The following NDFIP1 variants were observed in gnomAD, a reference collection of about 807,000 sequenced individuals.
NDFIP1 encodes Nedd4 family interacting protein 1.
A neutral mutation model predicts 28.8 loss-of-function variants in NDFIP1; 7 were observed. That is an observed-to-expected ratio of 0.24 (90% confidence interval 0.14 to 0.46). The LOEUF (loss-of-function observed/expected upper bound fraction) is 0.46. NDFIP1 is among the 20% of genes least tolerant of loss of function. The pLI is 0.99. For missense variants in NDFIP1, 194 were observed against 269.1 expected (o/e 0.72, Z 1.95); for synonymous variants, 92 against 101.0 (o/e 0.91, Z 0.53).
At chr5:142,124,589 G>C (rs1328524627) in intron 1 of NDFIP1, among the ~76,000 whole-genome samples, 1 of 152,166 alleles carries the variant, frequency 6.6e-6, no homozygotes, top group Non-Finnish European at 1.5e-5. Flanking sequence ...TTTGTGAGGG[G>C]ATTTACTGCA....
At position 142,137,180 on chromosome 5, in the gene NDFIP1, G is replaced by A. The variant is rs577066095; in HGVS notation, c.371-554G>A. On this transcript the variant is annotated intron_variant, in intron 4 of 7. Coordinates refer to ENST00000253814, the MANE Select transcript of NDFIP1 (RefSeq NM_030571.4). Reference sequence around the variant, plus strand: ...TTTTTGCTTTTTCCTTTTGAGACAAGGTCTTGCTCTGTTGCCCAGGCTGAA... The same window carrying A: ...TTTTTGCTTTTTCCTTTTGAGACAAAGTCTTGCTCTGTTGCCCAGGCTGAA... 6.6e-5 allele frequency among the ~76,000 whole-genome samples: 10 copies of A among 152,034 alleles called. No individual in the cohort carries two copies. In the East Asian group the frequency reaches 1.9e-3, roughly 29 times the overall value.
At chr5:142,141,168 CTTTTTTTTTT>C (rs1161113130) in intron 6 of NDFIP1, among the ~76,000 whole-genome samples, 2 of 59,940 alleles carry the variant, frequency 3.3e-5, no homozygotes, top group Admixed American at 2.5e-4. Flanking sequence ...GGCAAGAGGA[CTTTTTTTTTT>C]TTTTTTTTTT....
intron 5 of NDFIP1, among the ~76,000 whole-genome samples, chr5:142,138,693 T>G (rs953392861): frequency 6.6e-6 from 1 of 152,186 alleles, no homozygotes; most frequent in Non-Finnish European, 1.5e-5. Flanking sequence ...CCCACATAGC[T>G]AATATGTACT....
intron 4 of NDFIP1, 61 bp from the exon 5 acceptor site, chr5:142,137,673 G>T: frequency 6.3e-7 from 1 of 1,590,830 alleles, no homozygotes; most frequent in Middle Eastern, 1.7e-4. Context: ...CAGGTGTAAG[G>T]CACTCTTGTT....
At chr5:142,124,833 T>C (rs1757154221) in intron 1 of NDFIP1, among the ~76,000 whole-genome samples, 1 of 152,148 alleles carries the variant, frequency 6.6e-6, no homozygotes, top group Admixed American at 6.5e-5. Flanking sequence ...TTGAAGATTT[T>C]TTTTTTTTTG....
At position 142,151,772 on chromosome 5, in the gene NDFIP1, C is replaced by T. The variant is rs1004053830; in HGVS notation, c.*44C>T. On this transcript the variant is annotated 3_prime_UTR_variant, in exon 8 of 8. Transcript: ENST00000253814. Reference sequence around the variant, plus strand: ...GCCTTCCTGCATTTATGAATTCTCTCTCAAGAAGCAAGAGAACACCTGCAG... The same window carrying T: ...GCCTTCCTGCATTTATGAATTCTCTTTCAAGAAGCAAGAGAACACCTGCAG... The T allele has an allele frequency of 6.5e-6, 1 of 152,734 alleles. No individual in the cohort carries two copies. The highest frequency in any genetic ancestry group is 1.5e-5 in the Non-Finnish European group (1 of 68,042). 9.5% of individuals were successfully genotyped at this position (152,734 alleles called of 1,614,324 possible).
chr5:142,150,253 A>G (rs1757432654), intron 7 of NDFIP1, among the ~76,000 whole-genome samples: 1 of 150,868 alleles, frequency 6.6e-6, no homozygotes, highest in Non-Finnish European at 1.5e-5. Context: ...GTCTGGCCTC[A>G]TTGCAAAAAC....
At position 142,152,478 on chromosome 5, in the gene NDFIP1, C is replaced by A. The variant is rs11547556; in HGVS notation, c.*750C>A. On this transcript the variant is annotated 3_prime_UTR_variant, in exon 8 of 8. Coordinates refer to ENST00000253814, the MANE Select transcript of NDFIP1 (RefSeq NM_030571.4). ...TTCTTGACACTCTTTCTATAATTAG[C>A]GTTCTTCACCCCCACCCCCACCCCC... 1 of 152,022 alleles carries A rather than the reference C, an allele frequency of 6.6e-6. No homozygotes were observed. The highest frequency in any genetic ancestry group is 1.5e-5 in the Non-Finnish European group (1 of 67,998). The allele number at this position is 152,022 out of a possible 1,614,324, so 9.4% of individuals were successfully genotyped here.
chr5:142,108,996 C>A lies in NDFIP1; in HGVS notation c.22C>A (p.Leu8Met). 1 of 1,445,070 alleles carries A rather than the reference C, an allele frequency of 6.9e-7. No individual in the cohort carries two copies. Among genetic ancestry groups the A allele is most frequent in the Admixed American group, 2.6e-5 (1 of 38,810 alleles). The allele number at this position is 1,445,070 out of a possible 1,614,324, so 89.5% of individuals were successfully genotyped here. MALALAA[L>M]AAVEPACGSR... ...CGCCATGGCGTTGGCGTTGGCGGCG[C>A]TGGCGGCGGTCGAGCCGGCCTGCGG... Residue 8 changes from leucine (L) to methionine (M), a missense_variant, in exon 1 of 8, where the codon CTG becomes ATG. Leu to Met is a conservative substitution (Grantham distance 15). Coordinates refer to ENST00000253814, the MANE Select transcript of NDFIP1 (RefSeq NM_030571.4).
rs1363494552 is a variant in NDFIP1, at chr5:142,135,851, C to A, written c.370+34C>A. 16 of 1,462,396 alleles carry A rather than the reference C, an allele frequency of 1.1e-5. No individual in the cohort carries two copies. The East Asian group carries it at 3.4e-4, about 31-fold the overall frequency. 90.6% of individuals were successfully genotyped at this position (1,462,396 alleles called of 1,614,324 possible). A position where few individuals can be genotyped will look rare whatever the true frequency, so the allele number is the denominator to read the frequency against. Reference sequence around the variant, plus strand: ...GTATGCATATCAGAACCACCCCCTACAAACTAGAGTGCTTTGGATTATGGG... The same window carrying A: ...GTATGCATATCAGAACCACCCCCTAAAAACTAGAGTGCTTTGGATTATGGG... On this transcript the variant is annotated intron_variant, in intron 4 of 7. Transcript: ENST00000253814.
Position 142,140,598 on chromosome 5 carries a change from G to T in NDFIP1, c.531G>T (p.Gln177His). The part of the protein sequence containing the change: ...STYFPGYFDG[Q>H]YWLWWVFLVL... ...ATTTCCCTGGATATTTTGATGGTCAGTACTGGCTCTGGTGGGTGTTCCTTG... is the reference window on the plus strand; with the variant it reads ...ATTTCCCTGGATATTTTGATGGTCATTACTGGCTCTGGTGGGTGTTCCTTG... The change falls in exon 6 of 8, where the codon CAG (glutamine) becomes CAT (histidine). Residue 177 changes from glutamine to histidine, a missense_variant. Coordinates refer to ENST00000253814, the MANE Select transcript of NDFIP1 (RefSeq NM_030571.4). 1 of 1,613,208 alleles carries T rather than the reference G, an allele frequency of 6.2e-7. No individual in the cohort carries two copies.
intron 2 of NDFIP1, 77 bp downstream of exon 2, chr5:142,131,972 AGCTTCAGAAGCAGTTGG>A: frequency 1.5e-6 from 2 of 1,317,496 alleles, no homozygotes; most frequent in Non-Finnish European, 2.1e-6. Context: ...AAAAAAAAAA[AGCTTCAGAAGCAGTTGG>A]AAGAAAGGTT....
chr5:142,146,791 A>G (rs2126923847), intron 7 of NDFIP1, among the ~76,000 whole-genome samples: 1 of 152,302 alleles, frequency 6.6e-6, no homozygotes, highest in Middle Eastern at 3.4e-3. Context: ...ATAGCAGCCC[A>G]GTTGACAGAA....
At position 142,153,408 on chromosome 5, in the gene NDFIP1, C is replaced by T. The variant is rs537860642; in HGVS notation, c.*1680C>T. On this transcript the variant is annotated 3_prime_UTR_variant, in exon 8 of 8. Transcript: ENST00000253814. ...TATATCCAGAATCAGCATAGGAAGT[C>T]GTTCAGGATATCAGTATATAATGCA... 9 of 457,030 alleles carry T rather than the reference C, an allele frequency of 2.0e-5. No individual in the cohort carries two copies. The highest frequency in any genetic ancestry group is 3.5e-5 in the Non-Finnish European group (8 of 227,050). The allele number at this position is 457,030 out of a possible 1,614,324, so 28.3% of individuals were successfully genotyped here.
intron 1 of NDFIP1, among the ~76,000 whole-genome samples, chr5:142,118,404 T>C (rs930225785): frequency 1.3e-5 from 2 of 152,116 alleles, no homozygotes; most frequent in African/African-American, 4.8e-5. Flanking sequence ...TGTCCCTCAA[T>C]TGGGGTTTGT....
At chr5:142,140,309 A>G (rs1757314699) in intron 5 of NDFIP1, among the ~76,000 whole-genome samples, 1 of 152,034 alleles carries the variant, frequency 6.6e-6, no homozygotes, top group East Asian at 1.9e-4. Flanking sequence ...TTAGCCAGGC[A>G]TGGTGGTATA....
chr5:142,129,315 G>T (rs1374951798), intron 1 of NDFIP1, among the ~76,000 whole-genome samples: 1 of 152,116 alleles, frequency 6.6e-6, no homozygotes, highest in African/African-American at 2.4e-5. Context: ...GGTGAACCAT[G>T]GTCCCAAGAA....
intron 1 of NDFIP1, among the ~76,000 whole-genome samples, chr5:142,124,848 G>A (rs958296850): frequency 7.3e-5 from 11 of 150,924 alleles, no homozygotes; most frequent in African/African-American, 1.2e-4. Context: ...TTTTTGAGAC[G>A]GAGTCTCGCC....
At chr5:142,129,525 A>C (rs1757204568) in intron 1 of NDFIP1, among the ~76,000 whole-genome samples, 2 of 152,260 alleles carry the variant, frequency 1.3e-5, no homozygotes. Flanking sequence ...AGAATTTGAC[A>C]CAAGAATTCA....
Sources: allele counts gnomAD v4.1 joint callset (sites outside exome capture counted in the v4.1 genomes callset), GRCh38; gene constraint gnomAD v4.1.1; transcripts MANE v1.5; gene names NCBI Gene and HGNC (gene_info 2026-07-23, HGNC 2026-07-21).